NCAPD3: variants seen among roughly 807,000 people sequenced by gnomAD.
The protein encoded by NCAPD3 is condensin-2 complex subunit D3.
Under a neutral mutation model 182.9 loss-of-function variants are expected in NCAPD3, and 105 were observed. That is an observed-to-expected ratio of 0.57 (90% confidence interval 0.49 to 0.68). The LOEUF (loss-of-function observed/expected upper bound fraction) is 0.68, where lower values mean the gene tolerates loss of function less well. Among genes scored for constraint, NCAPD3 ranks in the 30% least tolerant of loss-of-function variants. The pLI is 0.00. For missense variants in NCAPD3, 1,944 were observed against 1,837.0 expected (o/e 1.06, Z -1.07); for synonymous variants, 815 against 679.9 (o/e 1.20, Z -3.09).
rs139292032 is a variant in NCAPD3, at chr11:134,200,802, T to C, written c.1615+2014A>G. On this transcript the variant is annotated intron_variant, in intron 13 of 34. Coordinates refer to ENST00000534548, the MANE Select transcript of NCAPD3 (RefSeq NM_015261.3). ...ATACTTACAGCAGCATTAGTCACAA[T>C]AGCCAAAAAGTGAAAACAACCCAAA... Among the ~76,000 whole-genome samples the C allele has an allele frequency of 4.2e-3, 636 of 152,242 alleles. 4 individuals carry two copies. Among genetic ancestry groups the C allele is most frequent in the African/African-American group, 0.015 (609 of 41,554 alleles).
chr11:134,181,249 C>T, intron 19 of NCAPD3, 65 bp from the exon 20 acceptor site: 2 of 1,048,308 alleles, frequency 1.9e-6, no homozygotes, highest in East Asian at 5.0e-5. Context: ...CATGAAACAC[C>T]ATGTTCTCAG....
At chr11:134,220,761 T>C (rs1292956904) in intron 1 of NCAPD3, 35 bp from the exon 2 acceptor site, 7 of 1,573,420 alleles carry the variant, frequency 4.4e-6, no homozygotes, top group East Asian at 2.3e-5. Context: ...GTAAGTACTC[T>C]GTAACAAGTA....
rs1175658354 is a variant in NCAPD3 at position 134,209,155 on chromosome 11, T to A, written c.784A>T (p.Thr262Ser). 6.2e-7 allele frequency: 1 copy of A among 1,613,222 alleles called. No individual in the cohort carries two copies. Among genetic ancestry groups the A allele is most frequent in the Non-Finnish European group, 8.5e-7 (1 of 1,179,650 alleles). Residue 262 changes from threonine to serine, a missense_variant, in exon 6 of 35, where the codon ACA becomes TCA. By Grantham distance (58) the Thr-to-Ser change is moderately conservative (BLOSUM62 1). This residue lies in a region of NCAPD3 where 1,803 missense variants were observed against 1,674.6 expected (regional missense o/e 1.08). Transcript: ENST00000534548. ...FEPVLHECHV[T>S]QARALNQAKY... Reference sequence around the variant, plus strand: ...GATTTAATGGCTCACCTGGCTTGTGTAACATGACATTCATGAAGAACTGGC... The same window carrying A: ...GATTTAATGGCTCACCTGGCTTGTGAAACATGACATTCATGAAGAACTGGC...
intron 4 of NCAPD3, 41 bp from the exon 5 acceptor site, chr11:134,209,518 C>T: frequency 6.4e-7 from 1 of 1,562,068 alleles, no homozygotes; most frequent in South Asian, 1.2e-5. Flanking sequence ...TAATAAATGC[C>T]AAACACTTTG....
At chr11:134,195,715 T>C (rs199767478) in intron 13 of NCAPD3, among the ~76,000 whole-genome samples, 39 of 151,024 alleles carry the variant, frequency 2.6e-4, no homozygotes, top group African/African-American at 9.5e-4. Context: ...GACCCGATTT[T>C]AAAAAAAAAG....
Position 134,152,868 on chromosome 11 carries a change from G to T in NCAPD3, c.*76C>A. 8.3e-7 allele frequency: 1 copy of T among 1,204,846 alleles called. No homozygotes were observed. The highest frequency in any genetic ancestry group is 1.2e-6 in the Non-Finnish European group (1 of 853,524). 74.6% of individuals were successfully genotyped at this position (1,204,846 alleles called of 1,614,324 possible). ...CCCAAGGACTGCGGGAAGTGATCCA[G>T]CTGCCTTCACACGGAGGACACGAGA... On this transcript the variant is annotated 3_prime_UTR_variant, in exon 35 of 35. Transcript: ENST00000534548.
At chr11:134,209,949 G>A (rs763398995) in intron 4 of NCAPD3, among the ~76,000 whole-genome samples, 2 of 152,178 alleles carry the variant, frequency 1.3e-5, no homozygotes, top group Admixed American at 1.3e-4. Context: ...CCAGCTACTC[G>A]GAAGGCTGCA....
In NCAPD3 at chr11:134,155,942, C is replaced by A. The variant is rs148599781; in HGVS notation, c.4252+1076G>T. 2.0e-5 allele frequency among the ~76,000 whole-genome samples: 3 copies of A among 152,332 alleles called. No homozygotes were observed. In the East Asian group the frequency reaches 5.8e-4, roughly 29 times the overall value. ...ACCTGTTAACTATTCTAAGAGATCACAGCATCAGTGTGACAGAACCAAACA... is the reference window on the plus strand; with the variant it reads ...ACCTGTTAACTATTCTAAGAGATCAAAGCATCAGTGTGACAGAACCAAACA... On this transcript the variant is annotated intron_variant, in intron 32 of 34. Coordinates refer to ENST00000534548, the MANE Select transcript of NCAPD3 (RefSeq NM_015261.3).
chr11:134,151,723 C>T lies in NCAPD3; in HGVS notation c.*1221G>A, dbSNP rs1943242065. 6.6e-6 allele frequency: 1 copy of T among 152,148 alleles called. No individual in the cohort carries two copies. The highest frequency in any genetic ancestry group is 1.5e-5 in the Non-Finnish European group (1 of 68,028). 9.4% of individuals were successfully genotyped at this position (152,148 alleles called of 1,614,324 possible). On this transcript the variant is annotated 3_prime_UTR_variant, in exon 35 of 35. Transcript: ENST00000534548. ...ACACCGTAATTTGGCATTTGTTTAA[C>T]CTCATTTATAAAAGCTTCAAAAAAA...
intron 30 of NCAPD3, 108 bp downstream of exon 30, chr11:134,158,221 C>A: frequency 1.3e-6 from 2 of 1,535,042 alleles, no homozygotes; most frequent in Non-Finnish European, 1.8e-6. Flanking sequence ...GGGTGGCAGG[C>A]CAGACAATGA....
At chr11:134,164,969 G>A (rs192180286) in intron 27 of NCAPD3, among the ~76,000 whole-genome samples, 2 of 151,028 alleles carry the variant, frequency 1.3e-5, no homozygotes, top group East Asian at 2.0e-4. Flanking sequence ...TAAGCTTAGG[G>A]GAGTGGCATG....
In NCAPD3 at chr11:134,168,970, G is replaced by T; in HGVS notation, c.3186C>A (p.His1062Gln). The change falls in exon 25 of 35, where the codon CAC (histidine) becomes CAA (glutamine). Residue 1062 changes from histidine (H) to glutamine (Q), a missense_variant. Physicochemically the swap from His to Gln is conservative, Grantham distance 24 (BLOSUM62 0). Coordinates refer to ENST00000534548, the MANE Select transcript of NCAPD3 (RefSeq NM_015261.3). ...FFQHFIECIF[H>Q]FNNYEKHEKY... ...TCTCATGCTTCTCATAGTTATTAAA[G>T]TGAAAAATACATTCAATGAAGTGTT... 6.2e-7 allele frequency: 1 copy of T among 1,613,992 alleles called. No homozygotes were observed. Among genetic ancestry groups the T allele is most frequent in the African/African-American group, 1.3e-5 (1 of 75,050 alleles).
chr11:134,166,999 T>C (rs867181034), intron 27 of NCAPD3, among the ~76,000 whole-genome samples: 1 of 103,320 alleles, frequency 9.7e-6, no homozygotes, highest in African/African-American at 4.5e-5. Flanking sequence ...GAGATGAGCT[T>C]AGGGGAGCTG....
intron 27 of NCAPD3, 23 bp downstream of exon 27, chr11:134,167,973 T>C (rs1309659227): frequency 3.1e-6 from 5 of 1,607,496 alleles, no homozygotes; most frequent in Non-Finnish European, 4.3e-6. Context: ...GAGAAGATGA[T>C]CTTAGGGGAG....
chr11:134,156,084 C>G (rs1943412187), intron 32 of NCAPD3, among the ~76,000 whole-genome samples: 3 of 152,216 alleles, frequency 2.0e-5, no homozygotes, highest in Admixed American at 6.5e-5. Flanking sequence ...TTAGCACGCT[C>G]TCATCTTCCC....
At chr11:134,191,228 A>C (rs1944516915) in intron 16 of NCAPD3, among the ~76,000 whole-genome samples, 1 of 152,234 alleles carries the variant, frequency 6.6e-6, no homozygotes, top group African/African-American at 2.4e-5. Context: ...AAGACCTCTG[A>C]AATAAATGAA....
Position 134,203,775 on chromosome 11 carries a change from C to T in NCAPD3, c.1347G>A (p.Met449Ile). The change falls in exon 11 of 35, where the codon ATG (methionine) becomes ATA (isoleucine). Residue 449 changes from methionine (M) to isoleucine (I), a missense_variant. Physicochemically the swap from Met to Ile is conservative, Grantham distance 10. Around this residue, in one of 3 missense-constraint regions of NCAPD3, gnomAD observed 1,803 missense variants for 1,674.6 expected, o/e 1.08. Transcript: ENST00000534548. ...LKHKFLVQEI[M>I]FDRCLDKAPT... is the part of the protein sequence containing the mutation. ...GCGCCTTGTCTAAGCAACGATCAAA[C>T]ATAATTTCCTGCACCAGGAACTTAT... The T allele has an allele frequency of 6.2e-7, 1 of 1,614,216 alleles. No individual in the cohort carries two copies. The highest frequency in any genetic ancestry group is 8.5e-7 in the Non-Finnish European group (1 of 1,180,058).
intron 24 of NCAPD3, among the ~76,000 whole-genome samples, chr11:134,169,649 C>G (rs1268106250): frequency 6.6e-6 from 1 of 152,196 alleles, no homozygotes; most frequent in African/African-American, 2.4e-5. Context: ...CACCCATGCC[C>G]TCAACATATC....
intron 24 of NCAPD3, among the ~76,000 whole-genome samples, chr11:134,170,917 A>G (rs1943991747): frequency 6.6e-6 from 1 of 152,236 alleles, no homozygotes; most frequent in African/African-American, 2.4e-5. Flanking sequence ...GGCAAGTTTC[A>G]GCCTTGATTA....
Sources: allele counts gnomAD v4.1 joint callset (sites outside exome capture counted in the v4.1 genomes callset), GRCh38; gene constraint gnomAD v4.1.1; regional missense constraint gnomAD v4.1.1; transcripts MANE v1.5; gene names NCBI Gene and HGNC (gene_info 2026-07-23, HGNC 2026-07-21).